Variants in NFIA observed in about 807,000 individuals in gnomAD.
NFIA encodes nuclear factor 1 A-type.
Under a neutral mutation model 62.8 loss-of-function variants are expected in NFIA, and 8 were observed. The ratio of observed to expected loss-of-function variants is 0.13; its 90% CI spans 0.07 to 0.23. The LOEUF (loss-of-function observed/expected upper bound fraction) is 0.23, where lower values mean the gene tolerates loss of function less well. Ranked by LOEUF, NFIA falls within the 10% of genes least tolerant of loss-of-function variation. The pLI is 1.00. For missense variants in NFIA, 410 were observed against 642.1 expected, an observed-to-expected ratio of 0.64 and a Z score of 3.91; for synonymous variants, 235 against 238.1, an observed-to-expected ratio of 0.99 and a Z score of 0.12.
intron 3 of NFIA, among the ~76,000 whole-genome samples, chr1:61,301,138 C>T (rs1367988318): frequency 1.3e-5 from 2 of 151,576 alleles, no homozygotes; most frequent in Non-Finnish European, 2.9e-5. Flanking sequence ...AAATTTCTCA[C>T]GTAGAACTTC....
chr1:61,351,044 A>G (rs1006990723), intron 4 of NFIA, among the ~76,000 whole-genome samples: 9 of 152,230 alleles, frequency 5.9e-5, no homozygotes, highest in Admixed American at 6.5e-5. Context: ...TCAAGTAGCC[A>G]TACACTTATT....
chr1:61,329,295 C>T (rs1019347132), intron 3 of NFIA, among the ~76,000 whole-genome samples: 2 of 150,740 alleles, frequency 1.3e-5, no homozygotes, highest in African/African-American at 4.9e-5. Context: ...ATCTGCCCAC[C>T]TCAGCCTCCC....
chr1:61,242,166 G>A (rs1198554071), intron 2 of NFIA, among the ~76,000 whole-genome samples: 2 of 152,172 alleles, frequency 1.3e-5, no homozygotes, highest in African/African-American at 4.8e-5. Context: ...TGTTAGTGCT[G>A]ATTAGAATTT....
At chr1:61,221,260 G>T (rs893036847) in intron 2 of NFIA, among the ~76,000 whole-genome samples, 15 of 152,058 alleles carry the variant, frequency 9.9e-5, no homozygotes, top group African/African-American at 3.6e-4. Context: ...TGAGGAAGAG[G>T]TGCTATCTAG....
chr1:61,164,911 T>C (rs1244842070), intron 2 of NFIA, among the ~76,000 whole-genome samples: 1 of 152,176 alleles, frequency 6.6e-6, no homozygotes, highest in Admixed American at 6.5e-5. Flanking sequence ...TGGCCTGCAG[T>C]ATTTATCAAA....
rs116225478 is a variant in NFIA, at chr1:61,285,228, T to A, written c.625+7643T>A. Among the ~76,000 whole-genome samples, 1,480 of 152,172 alleles carry A rather than the reference T, an allele frequency of 9.7e-3. 29 individuals are homozygous for A. Among genetic ancestry groups the A allele is most frequent in the African/African-American group, 0.034 (1,401 of 41,514 alleles). On this transcript the variant is annotated intron_variant, in intron 3 of 10. Transcript: ENST00000403491. Reference sequence around the variant, plus strand: ...CAGAGATATCCTTAGAAGGACCACTTCTAATGGCCACTTTTCATACCTCCC... The same window carrying A: ...CAGAGATATCCTTAGAAGGACCACTACTAATGGCCACTTTTCATACCTCCC...
At chr1:61,211,809 C>T (rs1375670157) in intron 2 of NFIA, among the ~76,000 whole-genome samples, 1 of 152,064 alleles carries the variant, frequency 6.6e-6, no homozygotes, top group African/African-American at 2.4e-5. Context: ...GCCATCCTTG[C>T]ACCTCAGCCC....
At chr1:61,415,042 A>G (rs2474373) in intron 9 of NFIA, among the ~76,000 whole-genome samples, 35,575 of 152,064 alleles carry the variant, frequency 0.23, 4,975 homozygotes, top group East Asian at 0.51. Context: ...TAATTCCTCT[A>G]CCAGTGCTGC....
chr1:61,089,695 C>CTTTTTTTTT lies in NFIA; in HGVS notation c.559+1026_559+1034dup, dbSNP rs918196815. 1.5e-3 allele frequency among the ~76,000 whole-genome samples: 164 copies of CTTTTTTTTT among 107,752 alleles called. 2 individuals are homozygous for CTTTTTTTTT. The highest frequency in any genetic ancestry group is 4.3e-3 in the African/African-American group (123 of 28,552). 70.7% of individuals were successfully genotyped at this position (107,752 alleles called of 152,430 possible). A position where few individuals can be genotyped will look rare whatever the true frequency, so the allele number is the denominator to read the frequency against. On this transcript the variant is annotated intron_variant, in intron 2 of 10. Coordinates refer to ENST00000403491, the MANE Select transcript of NFIA (RefSeq NM_001134673.4). ...GTTCAAATATTTAACGTTTTTTTTT[C>CTTTTTTTTT]TTTTTTTTTTTTTTTTTTTACAAAG...
chr1:61,352,430 G>C lies in NFIA; in HGVS notation c.701-20G>C. Reference sequence around the variant, plus strand: ...TATCCACAGAATTTAACTGATTTTTGTTTGTTTTCTTAATTCTAGCACCAA... The same window carrying C: ...TATCCACAGAATTTAACTGATTTTTCTTTGTTTTCTTAATTCTAGCACCAA... On this transcript the variant is annotated intron_variant, in intron 4 of 10. Transcript: ENST00000403491. The C allele has an allele frequency of 2.0e-6, 3 of 1,537,258 alleles. No individual in the cohort carries two copies. The highest frequency in any genetic ancestry group is 2.7e-6 in the Non-Finnish European group (3 of 1,112,918).
At chr1:61,287,523 G>C (rs1658581699) in intron 3 of NFIA, among the ~76,000 whole-genome samples, 1 of 152,090 alleles carries the variant, frequency 6.6e-6, no homozygotes, top group Admixed American at 6.6e-5. Flanking sequence ...GTTGCCAGAT[G>C]TAGCACAATG....
At chr1:61,219,940 A>G (rs1162932143) in intron 2 of NFIA, among the ~76,000 whole-genome samples, 4 of 151,734 alleles carry the variant, frequency 2.6e-5, no homozygotes, top group South Asian at 2.1e-4. Context: ...TCCAGCCTGG[A>G]GACAGAACGA....
chr1:61,407,787 C>G (rs903272923), intron 9 of NFIA, among the ~76,000 whole-genome samples: 4 of 152,172 alleles, frequency 2.6e-5, no homozygotes, highest in African/African-American at 9.7e-5. Context: ...AGGCCAAGAA[C>G]TTGAACCACA....
intron 4 of NFIA, among the ~76,000 whole-genome samples, chr1:61,343,958 A>G (rs1662070993): frequency 6.6e-6 from 1 of 152,324 alleles, no homozygotes; most frequent in Non-Finnish European, 1.5e-5. Flanking sequence ...TTCTTTTTCC[A>G]TGCAAATTCA....
chr1:61,207,382 C>T (rs941589567), intron 2 of NFIA, among the ~76,000 whole-genome samples: 1 of 152,172 alleles, frequency 6.6e-6, no homozygotes, highest in Non-Finnish European at 1.5e-5. Context: ...AGACCACAAG[C>T]CAACTTTAAA....
chr1:61,195,348 T>C (rs889669213), intron 2 of NFIA, among the ~76,000 whole-genome samples: 1 of 152,170 alleles, frequency 6.6e-6, no homozygotes, highest in African/African-American at 2.4e-5. Flanking sequence ...GACAGGCACA[T>C]GCAGCTTGTA....
At chr1:61,096,610 T>C (rs921234318) in intron 2 of NFIA, among the ~76,000 whole-genome samples, 2 of 141,146 alleles carry the variant, frequency 1.4e-5, no homozygotes, top group African/African-American at 5.4e-5. Context: ...TGGAGTGCAA[T>C]GGCATGATCT....
intron 2 of NFIA, among the ~76,000 whole-genome samples, chr1:61,219,713 C>CAAAAAAAAAAAA (rs749092216): frequency 3.7e-5 from 4 of 107,808 alleles, no homozygotes; most frequent in South Asian, 3.0e-4. Context: ...GACTCCGTCT[C>CAAAAAAAAAAAA]AAAAAAAAAA....
intron 3 of NFIA, among the ~76,000 whole-genome samples, chr1:61,314,210 GC>G (rs1208143004): frequency 6.6e-6 from 1 of 151,908 alleles, no homozygotes; most frequent in South Asian, 2.1e-4. Context: ...CTAGTTTAAT[GC>G]CCCCCTCTGT....
Sources: gnomAD v4.1 joint callset for allele counts (sites outside exome capture counted in the v4.1 genomes callset) on GRCh38, gnomAD v4.1.1 for gene constraint, MANE v1.5 for transcripts, NCBI Gene and HGNC (gene_info 2026-07-23, HGNC 2026-07-21) for gene names.